Variants in CLMP observed in about 807,000 individuals in gnomAD.
CLMP encodes the protein CXADR-like membrane protein.
CLMP carries 27 observed loss-of-function variants against 45.2 expected under a neutral mutation model. The observed-to-expected ratio is 0.60, with a 90% CI of 0.44 to 0.82. CLMP has a LOEUF of 0.82. CLMP is among the 40% of genes least tolerant of loss of function. The pLI, the probability that CLMP is intolerant of heterozygous loss-of-function variation, is 0.00. For synonymous variants in CLMP, 167 were observed against 171.4 expected, an observed-to-expected ratio of 0.97 and a Z score of 0.20; for missense variants, 403 against 448.4, an observed-to-expected ratio of 0.90 and a Z score of 0.91.
Position 123,141,173 on chromosome 11 carries a change from CTTTTTTTTTTTTTT to C in CLMP, c.29-43235_29-43222del, listed in dbSNP as rs550888215. ...GTACATTATCCAATCTCAGGCATTC[CTTTTTTTTTTTTTT>C]TTTTTTTTTTTTTTTGAGACGAAGT... is the stretch of plus-strand genomic sequence containing the variant. On this transcript the variant is annotated intron_variant, in intron 1 of 6. Coordinates refer to ENST00000448775, the MANE Select transcript of CLMP (RefSeq NM_024769.5). Among the ~76,000 whole-genome samples, 48 of 80,842 alleles carry C rather than the reference CTTTTTTTTTTTTTT, an allele frequency of 5.9e-4. No individual in the cohort carries two copies. The East Asian group carries it at 6.0e-3, about 10-fold the overall frequency. 53.0% of individuals were successfully genotyped at this position (80,842 alleles called of 152,430 possible).
chr11:123,166,180 G>T (rs994271688), intron 1 of CLMP, among the ~76,000 whole-genome samples: 7 of 152,176 alleles, frequency 4.6e-5, no homozygotes, highest in African/African-American at 1.7e-4. Context: ...GGCCTGAAGG[G>T]GGAGCAGTCG....
At chr11:123,150,414 G>GGAAAGAAA (rs1565397262) in intron 1 of CLMP, among the ~76,000 whole-genome samples, 1 of 55,172 alleles carries the variant, frequency 1.8e-5, no homozygotes, top group African/African-American at 6.9e-5. Flanking sequence ...AAGGAAGGAA[G>GGAAAGAAA]GTAAGAAAGA....
chr11:123,155,190 T>A (rs188993112), intron 1 of CLMP, among the ~76,000 whole-genome samples: 4 of 152,304 alleles, frequency 2.6e-5, no homozygotes, highest in Non-Finnish European at 4.4e-5. Flanking sequence ...ATGGTCTTAC[T>A]ATGTTCACCA....
chr11:123,129,624 T>TA (rs1222871504), intron 1 of CLMP, among the ~76,000 whole-genome samples: 1 of 141,718 alleles, frequency 7.1e-6, no homozygotes, highest in Non-Finnish European at 1.5e-5. Context: ...ATTTATATAA[T>TA]ATAATATATA....
intron 1 of CLMP, among the ~76,000 whole-genome samples, chr11:123,147,841 G>A (rs1861260270): frequency 2.0e-5 from 3 of 150,752 alleles, no homozygotes; most frequent in African/African-American, 4.9e-5. Flanking sequence ...TTGAGACAGG[G>A]TCTTGTTCTG....
intron 3 of CLMP, among the ~76,000 whole-genome samples, chr11:123,084,120 G>C (rs1449415371): frequency 1.3e-5 from 2 of 152,088 alleles, no homozygotes; most frequent in Admixed American, 6.6e-5. Context: ...CATTATTATT[G>C]GACATTTTAG....
chr11:123,143,770 A>C (rs1175772434), intron 1 of CLMP, among the ~76,000 whole-genome samples: 1 of 152,102 alleles, frequency 6.6e-6, no homozygotes, highest in African/African-American at 2.4e-5. Flanking sequence ...CCTCCAGATG[A>C]GGACCCAGCC....
intron 1 of CLMP, among the ~76,000 whole-genome samples, chr11:123,153,846 CTT>C (rs60591379): frequency 0.2 from 24,471 of 123,654 alleles, 2,402 homozygotes; most frequent in Middle Eastern, 0.26. Flanking sequence ...CCATGCCTCA[CTT>C]TTTTTTTTTT....
chr11:123,150,933 C>T (rs1371425437), intron 1 of CLMP, among the ~76,000 whole-genome samples: 1 of 152,150 alleles, frequency 6.6e-6, no homozygotes, highest in Non-Finnish European at 1.5e-5. Flanking sequence ...GAACTCCTGG[C>T]CTCAAGTGAT....
At chr11:123,104,394 T>A (rs1354554963) in intron 1 of CLMP, among the ~76,000 whole-genome samples, 1 of 149,296 alleles carries the variant, frequency 6.7e-6, no homozygotes, top group Non-Finnish European at 1.5e-5. Context: ...GTTCTATTTT[T>A]TTTTTCCCCA....
chr11:123,126,108 C>G (rs1212645347), intron 1 of CLMP, among the ~76,000 whole-genome samples: 2 of 152,182 alleles, frequency 1.3e-5, no homozygotes, highest in African/African-American at 4.8e-5. Context: ...TATATTGCTT[C>G]GCCTGAATAG....
rs1044429170 is a variant in CLMP at position 123,114,591 on chromosome 11, C to T, written c.29-16639G>A. 2.6e-5 allele frequency among the ~76,000 whole-genome samples: 4 copies of T among 151,676 alleles called. No individual in the cohort carries two copies. In the East Asian group the frequency reaches 5.8e-4, roughly 22 times the overall value. The stretch of plus-strand genomic sequence containing the variant: ...AAGGGCAAGGATTACAGGCGTGAGA[C>T]ACCACTCCCAGCCCTGCATTTTCTA... On this transcript the variant is annotated intron_variant, in intron 1 of 6. Coordinates refer to ENST00000448775, the MANE Select transcript of CLMP (RefSeq NM_024769.5).
At chr11:123,102,908 C>T (rs548245364) in intron 1 of CLMP, among the ~76,000 whole-genome samples, 2 of 152,050 alleles carry the variant, frequency 1.3e-5, no homozygotes, top group Non-Finnish European at 2.9e-5. Context: ...CTCCCATTAT[C>T]CTGTAAGCTC....
At chr11:123,125,381 G>A (rs1307121350) in intron 1 of CLMP, among the ~76,000 whole-genome samples, 1 of 151,970 alleles carries the variant, frequency 6.6e-6, no homozygotes, top group Non-Finnish European at 1.5e-5. Flanking sequence ...ATCAAGAGGA[G>A]ACTCCTGCAT....
At chr11:123,136,176 C>T in intron 1 of CLMP, 2 of 633,034 alleles carry the variant, frequency 3.2e-6, no homozygotes, top group Admixed American at 3.7e-5. Context: ...AGTTTTCAAA[C>T]TTTCTGGAAC....
chr11:123,112,300 T>G (rs1860650025), intron 1 of CLMP, among the ~76,000 whole-genome samples: 1 of 152,158 alleles, frequency 6.6e-6, no homozygotes, highest in Non-Finnish European at 1.5e-5. Context: ...GGTCACTATC[T>G]TGCCTTCAGG....
At position 123,170,458 on chromosome 11, in the gene CLMP, G is replaced by T. The variant is rs868139580; in HGVS notation, c.28+24455C>A. On this transcript the variant is annotated intron_variant, in intron 1 of 6. Coordinates refer to ENST00000448775, the MANE Select transcript of CLMP (RefSeq NM_024769.5). Reference sequence around the variant, plus strand: ...TGAAACCTGCTTTTTTTTTTTTTTTGAAATGGAGTCTCACTCTGTTGCCCA... The same window carrying T: ...TGAAACCTGCTTTTTTTTTTTTTTTTAAATGGAGTCTCACTCTGTTGCCCA... 9.6e-3 allele frequency among the ~76,000 whole-genome samples: 735 copies of T among 76,254 alleles called. 6 individuals carry two copies. Among genetic ancestry groups the T allele is most frequent in the African/African-American group, 0.027 (554 of 20,388 alleles). The allele number at this position is 76,254 out of a possible 152,430, so 50.0% of individuals were successfully genotyped here.
At chr11:123,161,252 G>A (rs948491466) in intron 1 of CLMP, among the ~76,000 whole-genome samples, 3 of 152,184 alleles carry the variant, frequency 2.0e-5, no homozygotes, top group Admixed American at 6.6e-5. Context: ...ATTTGAGACT[G>A]TAGAACTGAG....
intron 1 of CLMP, among the ~76,000 whole-genome samples, chr11:123,162,736 A>C (rs1434138378): frequency 6.6e-6 from 1 of 151,886 alleles, no homozygotes; most frequent in African/African-American, 2.4e-5. Flanking sequence ...TCTCTAAAAA[A>C]AAAAATACAA....
Sources: gnomAD v4.1 joint callset for allele counts (sites outside exome capture counted in the v4.1 genomes callset) on GRCh38, gnomAD v4.1.1 for gene constraint, MANE v1.5 for transcripts, NCBI Gene and HGNC (gene_info 2026-07-23, HGNC 2026-07-21) for gene names.